Variants in GLIS3 observed in about 807,000 individuals in gnomAD.
GLIS3 encodes GLIS family zinc finger 3, also known as zinc finger protein GLIS3.
In GLIS3, 53 loss-of-function variants were observed where a neutral mutation model predicts 78.6. The observed-to-expected ratio is 0.67, with a 90% CI of 0.54 to 0.85. The LOEUF is 0.85. GLIS3 is among the 40% of genes least tolerant of loss of function. The pLI, the probability that GLIS3 is intolerant of heterozygous loss-of-function variation, is 0.00. For missense variants in GLIS3, 1,703 were observed against 1,231.1 expected (o/e 1.38, Z -5.74); for synonymous variants, 684 against 509.9 (o/e 1.34, Z -4.60).
chr9:3,837,454 C>T (rs1267774099), intron 9 of GLIS3, among the ~76,000 whole-genome samples: 1 of 152,200 alleles, frequency 6.6e-6, no homozygotes, highest in Non-Finnish European at 1.5e-5. Context: ...TATGTCCATA[C>T]AAATCCCTGT....
intron 4 of GLIS3, among the ~76,000 whole-genome samples, chr9:4,087,358 T>C (rs529911027): frequency 6.6e-6 from 1 of 152,254 alleles, no homozygotes; most frequent in Middle Eastern, 3.4e-3. Flanking sequence ...TCCAAAGCTG[T>C]ACAGAGCTAC....
chr9:4,471,299 A>T, the GLIS3 span, among the ~76,000 whole-genome samples: 2 of 152,180 alleles, frequency 1.3e-5, no homozygotes, highest in African/African-American at 2.4e-5. Context: ...CATTGCCAAG[A>T]CAATCCTAAG....
chr9:4,411,874 A>G, the GLIS3 span, among the ~76,000 whole-genome samples: 3 of 152,238 alleles, frequency 2.0e-5, no homozygotes, highest in Non-Finnish European at 4.4e-5. Flanking sequence ...AATAATTTTA[A>G]AAACACTTTT....
At position 4,235,606 on chromosome 9, in the gene GLIS3, TC is replaced by T. The variant is rs562431812; in HGVS notation, c.388+50431del. On this transcript the variant is annotated intron_variant, in intron 2 of 10. Transcript: ENST00000381971. ...TAGCACCCTTTCCAATAGCCAGCAG[TC>T]CTCCTGTCTGTCCTCTTTGGAACGA... is the stretch of plus-strand genomic sequence containing the variant. Among the ~76,000 whole-genome samples, 49 of 152,246 alleles carry T rather than the reference TC, an allele frequency of 3.2e-4. No individual in the cohort carries two copies. The East Asian group carries it at 8.9e-3, about 28-fold the overall frequency.
At chr9:3,955,845 C>A (rs1463960706) in intron 4 of GLIS3, among the ~76,000 whole-genome samples, 5 of 151,712 alleles carry the variant, frequency 3.3e-5, no homozygotes, top group Non-Finnish European at 7.4e-5. Context: ...CCTAAGAGAC[C>A]ATAAAGAGGA....
chr9:3,882,193 T>C (rs999355749), intron 7 of GLIS3, among the ~76,000 whole-genome samples: 11 of 151,112 alleles, frequency 7.3e-5, no homozygotes, highest in African/African-American at 1.7e-4. Flanking sequence ...TTCATGTTCA[T>C]TGAGTAAACA....
chr9:3,828,776 G>C (rs1159496787), intron 10 of GLIS3, among the ~76,000 whole-genome samples: 1 of 152,182 alleles, frequency 6.6e-6, no homozygotes. Context: ...GAAACAAAGA[G>C]CAAAGACAGA....
chr9:4,050,463 G>A (rs758117678), intron 4 of GLIS3, among the ~76,000 whole-genome samples: 12 of 152,124 alleles, frequency 7.9e-5, no homozygotes, highest in East Asian at 1.9e-4. Context: ...GGGGGTCTGG[G>A]GGAGGGATAG....
chr9:3,893,492 G>A (rs923145558), intron 7 of GLIS3, among the ~76,000 whole-genome samples: 1 of 152,128 alleles, frequency 6.6e-6, no homozygotes, highest in African/African-American at 2.4e-5. Context: ...CAAAATATGA[G>A]CAGTGTCATT....
chr9:4,052,250 G>A (rs1825798713), intron 4 of GLIS3, among the ~76,000 whole-genome samples: 1 of 152,094 alleles, frequency 6.6e-6, no homozygotes, highest in Non-Finnish European at 1.5e-5. Context: ...TCGTTTTCAG[G>A]ATATTTTTCA....
At chr9:3,831,084 T>C (rs976198529) in intron 9 of GLIS3, among the ~76,000 whole-genome samples, 1 of 152,188 alleles carries the variant, frequency 6.6e-6, no homozygotes, top group Admixed American at 6.5e-5. Flanking sequence ...GGCATATTCA[T>C]AGTAGAAAAC....
intron 4 of GLIS3, among the ~76,000 whole-genome samples, chr9:4,015,122 G>C (rs1197113763): frequency 2.6e-5 from 4 of 152,184 alleles, no homozygotes; most frequent in Non-Finnish European, 5.9e-5. Flanking sequence ...CTAACCTGAG[G>C]ATTAGATAAA....
At chr9:4,387,314 C>CT in the GLIS3 span, among the ~76,000 whole-genome samples, 2 of 151,988 alleles carry the variant, frequency 1.3e-5, no homozygotes, top group African/African-American at 4.8e-5. Flanking sequence ...TTAATTCCCC[C>CT]TTTTTTTGGT....
intron 9 of GLIS3, among the ~76,000 whole-genome samples, chr9:3,831,374 G>A (rs915946453): frequency 1.9e-4 from 29 of 152,146 alleles, no homozygotes; most frequent in Non-Finnish European, 8.8e-5. Context: ...TGAGCAAACT[G>A]TAAACTCTCA....
chr9:4,375,347 G>C, the GLIS3 span, among the ~76,000 whole-genome samples: 2 of 151,948 alleles, frequency 1.3e-5, no homozygotes, highest in Non-Finnish European at 2.9e-5. Flanking sequence ...TGAGAGTGTG[G>C]GTACAGAGAG....
At chr9:4,077,367 G>T (rs1025149239) in intron 4 of GLIS3, among the ~76,000 whole-genome samples, 1 of 152,212 alleles carries the variant, frequency 6.6e-6, no homozygotes, top group Non-Finnish European at 1.5e-5. Context: ...ACTGGCATCT[G>T]TCCAAAGGAT....
At position 4,012,908 on chromosome 9, in the gene GLIS3, G is replaced by A. The variant is rs1822148198; in HGVS notation, c.1711-75719C>T. Among the ~76,000 whole-genome samples the A allele has an allele frequency of 5.3e-5, 8 of 151,758 alleles. No homozygotes were observed. The South Asian group carries it at 1.7e-3, about 32-fold the overall frequency. ...CTGCCTCGGTTTCCAGAGTAGCTGG[G>A]ATTACAGGTGCCCGCCACCACGCCC... On this transcript the variant is annotated intron_variant, in intron 4 of 10. Coordinates refer to ENST00000381971, the MANE Select transcript of GLIS3 (RefSeq NM_001042413.2).
chr9:4,308,097 G>A (rs1817275030), intron 4 of GLIS3, among the ~76,000 whole-genome samples: 1 of 152,120 alleles, frequency 6.6e-6, no homozygotes, highest in South Asian at 2.1e-4. Context: ...ACTATCTGGG[G>A]CCTGGCCACG....
chr9:4,334,941 C>A (rs1197483701), intron 2 of GLIS3, among the ~76,000 whole-genome samples: 1 of 117,126 alleles, frequency 8.5e-6, no homozygotes, highest in Non-Finnish European at 1.6e-5. Flanking sequence ...CGGAGTCTTG[C>A]TCTGTCACCC....
Sources: allele counts gnomAD v4.1 joint callset (sites outside exome capture counted in the v4.1 genomes callset), GRCh38; gene constraint gnomAD v4.1.1; transcripts MANE v1.5; gene names NCBI Gene and HGNC (gene_info 2026-07-23, HGNC 2026-07-21).